The following ITGB1 variants were observed in gnomAD, a reference collection of about 807,000 sequenced individuals.
ITGB1 encodes the protein integrin beta-1.
Under a neutral mutation model 86.5 loss-of-function variants are expected in ITGB1, and 24 were observed. The observed-to-expected ratio is 0.28, with a 90% confidence interval of 0.20 to 0.39. ITGB1 has a LOEUF of 0.39. Among genes scored for constraint, ITGB1 ranks in the 10% least tolerant of loss-of-function variants. The pLI is 1.00. For synonymous variants in ITGB1, 323 were observed against 316.8 expected, an observed-to-expected ratio of 1.02 and a Z score of -0.21; for missense variants, 556 against 946.9, an observed-to-expected ratio of 0.59 and a Z score of 5.42.
chr10:32,956,395 A>G (rs1199013276), intron 1 of ITGB1, among the ~76,000 whole-genome samples: 1 of 149,330 alleles, frequency 6.7e-6, no homozygotes, highest in Non-Finnish European at 1.5e-5. Context: ...TTAAAACTAC[A>G]ATTAAAAAAA....
intron 1 of ITGB1, among the ~76,000 whole-genome samples, chr10:32,947,010 A>AT (rs1422631326): frequency 1.3e-5 from 2 of 151,904 alleles, no homozygotes; most frequent in African/African-American, 2.4e-5. Flanking sequence ...CGGCTGGCTA[A>AT]TTTTTGTATT....
chr10:32,930,122 A>T, intron 3 of ITGB1, 78 bp from the exon 4 acceptor site: 1 of 726,100 alleles, frequency 1.4e-6, no homozygotes, highest in Non-Finnish European at 2.4e-6. Context: ...GCAAATAAGC[A>T]ATTAAATTGC....
intron 6 of ITGB1, among the ~76,000 whole-genome samples, chr10:32,925,410 T>C (rs562671011): frequency 6.6e-6 from 1 of 152,324 alleles, no homozygotes; most frequent in East Asian, 1.9e-4. Context: ...AGGAGAAAGA[T>C]GTGTCTTTCA....
intron 1 of ITGB1, among the ~76,000 whole-genome samples, chr10:32,956,157 T>C (rs1009010630): frequency 1.1e-4 from 17 of 152,224 alleles, no homozygotes; most frequent in Non-Finnish European, 2.2e-4. Flanking sequence ...CAGTCACTTA[T>C]ATAATATTGA....
At chr10:32,926,305 G>A (rs1334587131) in intron 5 of ITGB1, among the ~76,000 whole-genome samples, 196 bp from the exon 6 acceptor site, 3 of 152,182 alleles carry the variant, frequency 2.0e-5, no homozygotes, top group Non-Finnish European at 4.4e-5. Flanking sequence ...TCCTTTGGAA[G>A]GTGATTAGAT....
intron 2 of ITGB1, among the ~76,000 whole-genome samples, chr10:32,933,770 T>C (rs762373796): frequency 8.5e-5 from 13 of 152,206 alleles, no homozygotes; most frequent in Non-Finnish European, 1.5e-5. Flanking sequence ...ACTTTATATA[T>C]ACAGTTGTAC....
intron 9 of ITGB1, among the ~76,000 whole-genome samples, chr10:32,921,035 A>T (rs990313846): frequency 6.6e-6 from 1 of 151,716 alleles, no homozygotes; most frequent in African/African-American, 2.4e-5. Context: ...AACGAAATAA[A>T]TGCTGTCTTC....
At position 32,926,125 on chromosome 10, in the gene ITGB1, T is replaced by G. The variant is rs1039276105; in HGVS notation, c.548-16A>C. Reference sequence around the variant, plus strand: ...GAGCCAAATCCTGCCAAGAAAAAAATGGTACATAAATGAATGAATGGATGG... The same window carrying G: ...GAGCCAAATCCTGCCAAGAAAAAAAGGGTACATAAATGAATGAATGGATGG... On this transcript the variant is annotated splice_polypyrimidine_tract_variant and intron_variant, in intron 5 of 15. Transcript: ENST00000302278. The G allele has an allele frequency of 2.6e-6, 4 of 1,555,236 alleles. No individual in the cohort carries two copies. In the African/African-American group the frequency reaches 5.4e-5, roughly 21 times the overall value.
chr10:32,956,411 AT>A (rs551299773), intron 1 of ITGB1, among the ~76,000 whole-genome samples: 1,498 of 147,868 alleles, frequency 0.01, 22 homozygotes, highest in African/African-American at 0.032. Flanking sequence ...AAAAAAAAAA[AT>A]AAAAAAACCT....
chr10:32,921,792 A>G (rs2094950793), intron 9 of ITGB1, among the ~76,000 whole-genome samples: 1 of 152,150 alleles, frequency 6.6e-6, no homozygotes, highest in African/African-American at 2.4e-5. Context: ...GTATACGTAT[A>G]TATGAGTGTG....
At chr10:32,926,737 G>A (rs1045510886) in intron 5 of ITGB1, among the ~76,000 whole-genome samples, 1 of 150,578 alleles carries the variant, frequency 6.6e-6, no homozygotes, top group African/African-American at 2.5e-5. Context: ...TGTCTTTATA[G>A]CAACGTAAGA....
intron 3 of ITGB1, among the ~76,000 whole-genome samples, chr10:32,930,954 G>C (rs1469877558): frequency 1.3e-5 from 2 of 151,304 alleles, no homozygotes; most frequent in East Asian, 1.9e-4. Flanking sequence ...AAATGTGGGG[G>C]AAACAGTGAC....
At chr10:32,956,560 T>C (rs1007865657) in intron 1 of ITGB1, among the ~76,000 whole-genome samples, 1 of 151,912 alleles carries the variant, frequency 6.6e-6, no homozygotes, top group African/African-American at 2.4e-5. Flanking sequence ...ATAAAAAAAT[T>C]AGCCGGGCAC....
intron 1 of ITGB1, chr10:32,953,467 G>A (rs1473776435): frequency 6.6e-6 from 1 of 152,096 alleles, no homozygotes; most frequent in Non-Finnish European, 1.5e-5. Flanking sequence ...AGAGCTGACA[G>A]GGACAGATGT....
chr10:32,932,693 T>C (rs971129626), intron 2 of ITGB1, 93 bp from the exon 3 acceptor site: 2 of 727,190 alleles, frequency 2.8e-6, no homozygotes, highest in Non-Finnish European at 4.9e-6. Context: ...GCAATACATA[T>C]GTTAAATATT....
intron 1 of ITGB1, among the ~76,000 whole-genome samples, chr10:32,946,247 T>C (rs1034981396): frequency 6.6e-6 from 1 of 152,196 alleles, no homozygotes; most frequent in African/African-American, 2.4e-5. Flanking sequence ...TTGTCATTAG[T>C]AAATAGATCA....
At chr10:32,953,217 T>C (rs746354575) in intron 1 of ITGB1, among the ~76,000 whole-genome samples, 1 of 152,200 alleles carries the variant, frequency 6.6e-6, no homozygotes, top group African/African-American at 2.4e-5. Flanking sequence ...TTTTCTAACA[T>C]TGTTAGGGAA....
intron 11 of ITGB1, 117 bp downstream of exon 11, chr10:32,919,768 T>C (rs1243049575): frequency 7.3e-6 from 6 of 820,092 alleles, no homozygotes; most frequent in South Asian, 5.3e-5. Flanking sequence ...GCAACCGTGG[T>C]TGGAAAAAAT....
At chr10:32,931,281 A>C (rs1254382408) in intron 3 of ITGB1, among the ~76,000 whole-genome samples, 1 of 152,138 alleles carries the variant, frequency 6.6e-6, no homozygotes, top group South Asian at 2.1e-4. Flanking sequence ...AATTTCACTG[A>C]ATATATTCAG....
Sources: allele counts gnomAD v4.1 joint callset (sites outside exome capture counted in the v4.1 genomes callset), GRCh38; gene constraint gnomAD v4.1.1; transcripts MANE v1.5; gene names NCBI Gene and HGNC (gene_info 2026-07-23, HGNC 2026-07-21).